Variants in NRG3 observed in about 807,000 individuals in gnomAD.
NRG3 encodes the protein pro-neuregulin-3, membrane-bound isoform.
NRG3 carries 31 observed loss-of-function variants against 66.9 expected under a neutral mutation model. That is an observed-to-expected ratio of 0.46 (90% CI 0.35 to 0.63). The LOEUF (loss-of-function observed/expected upper bound fraction) is 0.63, where lower values mean the gene tolerates loss of function less well. NRG3 is among the 20% of genes least tolerant of loss of function. The pLI is 0.00. For missense variants in NRG3, 910 were observed against 878.9 expected, an observed-to-expected ratio of 1.04 and a Z score of -0.45; for synonymous variants, 393 against 359.4, an observed-to-expected ratio of 1.09 and a Z score of -1.06.
chr10:82,090,086 T>C (rs1263697815), intron 1 of NRG3, among the ~76,000 whole-genome samples: 1 of 152,212 alleles, frequency 6.6e-6, no homozygotes, highest in Admixed American at 6.5e-5. Context: ...TGACATTACA[T>C]ACTGTAGTGA....
intron 2 of NRG3, among the ~76,000 whole-genome samples, chr10:82,495,223 C>T (rs960180467): frequency 1.3e-5 from 2 of 152,186 alleles, no homozygotes; most frequent in Non-Finnish European, 2.9e-5. Flanking sequence ...GCGTGAGCCA[C>T]TGCGCCAGGC....
At chr10:82,351,844 A>G (rs912922061) in intron 1 of NRG3, among the ~76,000 whole-genome samples, 6 of 152,212 alleles carry the variant, frequency 3.9e-5, no homozygotes, top group Admixed American at 3.9e-4. Context: ...CTTCTGACCT[A>G]TGTGAGGTAA....
At chr10:82,837,667 T>C (rs1269458919) in intron 3 of NRG3, among the ~76,000 whole-genome samples, 1 of 152,198 alleles carries the variant, frequency 6.6e-6, no homozygotes, top group Non-Finnish European at 1.5e-5. Context: ...AGAGGGACAC[T>C]GGTAAACTAG....
At chr10:82,329,997 G>T (rs2082064035) in intron 1 of NRG3, among the ~76,000 whole-genome samples, 1 of 152,096 alleles carries the variant, frequency 6.6e-6, no homozygotes, top group Non-Finnish European at 1.5e-5. Flanking sequence ...AGTGTGCATT[G>T]ATTCTCTTTC....
chr10:82,296,101 C>G (rs2080043211), intron 1 of NRG3, among the ~76,000 whole-genome samples: 1 of 152,076 alleles, frequency 6.6e-6, no homozygotes, highest in African/African-American at 2.4e-5. Context: ...GCATGAGTAA[C>G]TCGGTAAAAG....
intron 1 of NRG3, among the ~76,000 whole-genome samples, chr10:81,999,576 ACTT>A: frequency 6.6e-6 from 1 of 152,280 alleles, no homozygotes; most frequent in East Asian, 1.9e-4. Context: ...AGACTACATA[ACTT>A]CTTATGTTTG....
At position 81,930,374 on chromosome 10, in the gene NRG3, T is replaced by C. The variant is rs370499426; in HGVS notation, c.823+54211T>C. Reference sequence around the variant, plus strand: ...TGACACAGAATTCAGGAAAGCATTATACTTACAGTTTTATTGTAGAAGATA... The same window carrying C: ...TGACACAGAATTCAGGAAAGCATTACACTTACAGTTTTATTGTAGAAGATA... On this transcript the variant is annotated intron_variant, in intron 1 of 8. Coordinates refer to ENST00000372141, the MANE Select transcript of NRG3 (RefSeq NM_001010848.4). Among the ~76,000 whole-genome samples the C allele has an allele frequency of 7.9e-5, 12 of 152,264 alleles. No individual in the cohort carries two copies. In the East Asian group the frequency reaches 1.5e-3, roughly 20 times the overall value.
In NRG3 at chr10:82,936,860, T is replaced by A. The variant is rs563934609; in HGVS notation, c.1055-14609T>A. ...CAGTGGAGGGGCAGGGATAACAAAA[T>A]CTCCAAGAAGAGGGGTGAGCCATGC... On this transcript the variant is annotated intron_variant, in intron 4 of 8. Coordinates refer to ENST00000372141, the MANE Select transcript of NRG3 (RefSeq NM_001010848.4). 7.2e-5 allele frequency among the ~76,000 whole-genome samples: 11 copies of A among 152,166 alleles called. No homozygotes were observed. The South Asian group carries it at 2.1e-3, about 29-fold the overall frequency.
intron 2 of NRG3, among the ~76,000 whole-genome samples, chr10:82,727,345 G>A (rs937884161): frequency 6.6e-6 from 1 of 152,158 alleles, no homozygotes; most frequent in Non-Finnish European, 1.5e-5. Flanking sequence ...AAATGGTTTT[G>A]TGGGCCAGGC....
intron 2 of NRG3, among the ~76,000 whole-genome samples, chr10:82,510,647 T>C (rs747064792): frequency 6.6e-6 from 1 of 152,190 alleles, no homozygotes; most frequent in Non-Finnish European, 1.5e-5. Context: ...CAGTTGAGAA[T>C]AGGAGTCATG....
intron 2 of NRG3, among the ~76,000 whole-genome samples, chr10:82,684,910 A>G (rs1204118144): frequency 6.6e-6 from 1 of 152,204 alleles, no homozygotes; most frequent in Admixed American, 6.5e-5. Context: ...CAGATTCTGA[A>G]GAACCTTTAG....
At chr10:82,182,895 A>T (rs2073533392) in intron 1 of NRG3, among the ~76,000 whole-genome samples, 1 of 151,982 alleles carries the variant, frequency 6.6e-6, no homozygotes, top group South Asian at 2.1e-4. Flanking sequence ...TTTGCCAGGT[A>T]TAATATTCTT....
chr10:82,670,353 G>A (rs570050096), intron 2 of NRG3, among the ~76,000 whole-genome samples: 37 of 152,042 alleles, frequency 2.4e-4, no homozygotes, highest in African/African-American at 8.2e-4. Flanking sequence ...AAATACATGC[G>A]GCATAAACAC....
At position 81,919,986 on chromosome 10, in the gene NRG3, C is replaced by T. The variant is rs181075228; in HGVS notation, c.823+43823C>T. Among the ~76,000 whole-genome samples, 52 of 152,182 alleles carry T rather than the reference C, an allele frequency of 3.4e-4. 1 individual carries two copies. The highest frequency in any genetic ancestry group is 1.5e-3 in the Admixed American group (23 of 15,286). ...CACATCTGACAGATACACTAATATACGAAAAATTAAATAACAATAAAAATA... is the reference window on the plus strand; with the variant it reads ...CACATCTGACAGATACACTAATATATGAAAAATTAAATAACAATAAAAATA... On this transcript the variant is annotated intron_variant, in intron 1 of 8. Transcript: ENST00000372141.
intron 1 of NRG3, among the ~76,000 whole-genome samples, chr10:82,357,990 G>A (rs1036465074): frequency 6.6e-6 from 1 of 152,188 alleles, no homozygotes; most frequent in African/African-American, 2.4e-5. Context: ...ATGTCTACAT[G>A]TGGTAATAGA....
chr10:82,322,753 T>C (rs1188882673), intron 1 of NRG3, among the ~76,000 whole-genome samples: 1 of 152,210 alleles, frequency 6.6e-6, no homozygotes, highest in Non-Finnish European at 1.5e-5. Flanking sequence ...GCAAACATTT[T>C]CATGAATTGC....
At chr10:82,930,739 G>T (rs1847488367) in intron 4 of NRG3, among the ~76,000 whole-genome samples, 1 of 152,134 alleles carries the variant, frequency 6.6e-6, no homozygotes, top group Admixed American at 6.5e-5. Flanking sequence ...AAAAATGAGT[G>T]GAGTGATTGC....
At position 82,883,427 on chromosome 10, in the gene NRG3, C is replaced by A. The variant is rs1842465234; in HGVS notation, c.1054+17990C>A. 2.0e-5 allele frequency among the ~76,000 whole-genome samples: 3 copies of A among 152,018 alleles called. No individual in the cohort carries two copies. The South Asian group carries it at 6.2e-4, about 32-fold the overall frequency. On this transcript the variant is annotated intron_variant, in intron 4 of 8. Coordinates refer to ENST00000372141, the MANE Select transcript of NRG3 (RefSeq NM_001010848.4). ...GCACAATGTCATGAAGTCATAGATTCCTGGAATTTAATCTTTGCTCTTTTA... is the reference window on the plus strand; with the variant it reads ...GCACAATGTCATGAAGTCATAGATTACTGGAATTTAATCTTTGCTCTTTTA...
At chr10:82,625,879 C>T (rs1407496327) in intron 2 of NRG3, among the ~76,000 whole-genome samples, 1 of 152,154 alleles carries the variant, frequency 6.6e-6, no homozygotes, top group Non-Finnish European at 1.5e-5. Context: ...TTTCACATTT[C>T]CTTTCCTTAT....
Sources: allele counts gnomAD v4.1 joint callset (sites outside exome capture counted in the v4.1 genomes callset), GRCh38; gene constraint gnomAD v4.1.1; transcripts MANE v1.5; gene names NCBI Gene and HGNC (gene_info 2026-07-23, HGNC 2026-07-21).